The following MBOAT2 variants were observed in gnomAD, a reference collection of about 807,000 sequenced individuals.
The protein encoded by MBOAT2 is membrane-bound glycerophospholipid O-acyltransferase 2.
Under a neutral mutation model 63.4 loss-of-function variants are expected in MBOAT2, and 28 were observed. That is an observed-to-expected ratio of 0.44 (90% CI 0.33 to 0.61). MBOAT2 has a LOEUF of 0.61. Among genes scored for constraint, MBOAT2 ranks in the 20% least tolerant of loss-of-function variants. The pLI is 0.03. For missense variants in MBOAT2, 470 were observed against 605.8 expected (o/e 0.78, Z 2.35); for synonymous variants, 211 against 215.6 (o/e 0.98, Z 0.19).
chr2:8,911,197 G>A (rs1053125629), intron 3 of MBOAT2, among the ~76,000 whole-genome samples: 1 of 152,106 alleles, frequency 6.6e-6, no homozygotes, highest in Non-Finnish European at 1.5e-5. Flanking sequence ...TTAGTCCACT[G>A]GTCCTCAAAT....
intron 3 of MBOAT2, among the ~76,000 whole-genome samples, chr2:8,914,155 T>C (rs1016676852): frequency 2.0e-5 from 3 of 152,108 alleles, no homozygotes; most frequent in Non-Finnish European, 2.9e-5. Flanking sequence ...CAATGGACTC[T>C]GGGGACTTGG....
chr2:8,911,066 A>T (rs1174972073), intron 3 of MBOAT2, among the ~76,000 whole-genome samples: 1 of 152,188 alleles, frequency 6.6e-6, no homozygotes, highest in African/African-American at 2.4e-5. Context: ...ATCACCATGG[A>T]CTAGGGACTG....
chr2:8,994,184 A>C (rs1358312115), intron 1 of MBOAT2, among the ~76,000 whole-genome samples: 1 of 152,190 alleles, frequency 6.6e-6, no homozygotes, highest in Non-Finnish European at 1.5e-5. Flanking sequence ...AAGATGAGTA[A>C]GTGGAGGTCC....
rs377113149 is a variant in MBOAT2, at chr2:8,924,135, A to G, written c.300-15419T>C. ...TACTTGAATAGAAGAATTTTTTTAA[A>G]CCACCTGCTTTATCAGCACAAGACA... On this transcript the variant is annotated intron_variant, in intron 3 of 12. Coordinates refer to ENST00000305997, the MANE Select transcript of MBOAT2 (RefSeq NM_138799.4). Among the ~76,000 whole-genome samples the G allele has an allele frequency of 6.0e-4, 91 of 152,242 alleles. 2 individuals carry two copies. The South Asian group carries it at 0.018, about 30-fold the overall frequency.
intron 1 of MBOAT2, among the ~76,000 whole-genome samples, chr2:8,987,027 GT>G (rs1255755869): frequency 6.6e-6 from 1 of 152,122 alleles, no homozygotes; most frequent in Non-Finnish European, 1.5e-5. Context: ...TTAACCTTAA[GT>G]AAAAACTAAA....
intron 1 of MBOAT2, among the ~76,000 whole-genome samples, chr2:8,969,533 A>T (rs1277834103): frequency 6.6e-6 from 1 of 152,182 alleles, no homozygotes; most frequent in Non-Finnish European, 1.5e-5. Context: ...ATTAACTTTA[A>T]ATGTAAATGG....
intron 3 of MBOAT2, among the ~76,000 whole-genome samples, chr2:8,909,676 A>G (rs1665569961): frequency 1.3e-5 from 2 of 152,216 alleles, no homozygotes; most frequent in Non-Finnish European, 2.9e-5. Flanking sequence ...ATAGTTAATT[A>G]TAATCTTTTG....
chr2:8,935,520 T>A (rs1412785552), intron 3 of MBOAT2, among the ~76,000 whole-genome samples: 2 of 152,042 alleles, frequency 1.3e-5, no homozygotes, highest in African/African-American at 4.8e-5. Flanking sequence ...AGCTTTAACA[T>A]CACATAATCA....
At chr2:8,873,051 G>A (rs1662445865) in intron 8 of MBOAT2, 57 bp downstream of exon 8, 14 of 1,491,116 alleles carry the variant, frequency 9.4e-6, no homozygotes, top group Non-Finnish European at 9.2e-6. Context: ...GCAATCTATC[G>A]ACAAGGTAAG....
At chr2:8,970,309 T>C (rs1158267339) in intron 1 of MBOAT2, among the ~76,000 whole-genome samples, 3 of 152,216 alleles carry the variant, frequency 2.0e-5, no homozygotes, top group Non-Finnish European at 4.4e-5. Context: ...ATAAAGATGT[T>C]CTTTGAAACC....
At chr2:8,936,372 T>G (rs1164174379) in intron 3 of MBOAT2, among the ~76,000 whole-genome samples, 1 of 152,212 alleles carries the variant, frequency 6.6e-6, no homozygotes, top group Non-Finnish European at 1.5e-5. Flanking sequence ...CTGAACCTTA[T>G]GATGGGAGGT....
chr2:8,958,499 T>G lies in MBOAT2; in HGVS notation c.219A>C (p.Gly73=). 6.3e-7 allele frequency: 1 copy of G among 1,589,072 alleles called. No individual in the cohort carries two copies. Among genetic ancestry groups the G allele is most frequent in the Non-Finnish European group, 8.5e-7 (1 of 1,172,816 alleles). ...LGLYLALFCF[G]WYALHFLVQS... is the part of the protein sequence containing the mutation. ...AAAGGATCAAAATAATTACTTACCA[T>G]CCAAAGCAAAAAAGTGCAAGATAAA... Residue 73 remains glycine (G), a splice_region_variant and synonymous_variant, in exon 2 of 13, where the codon GGA becomes GGC. Transcript: ENST00000305997.
At chr2:8,883,971 C>A (rs549495919) in intron 5 of MBOAT2, among the ~76,000 whole-genome samples, 508 of 151,256 alleles carry the variant, frequency 3.4e-3, no homozygotes, top group Non-Finnish European at 5.1e-3. Context: ...GCTTGTAATC[C>A]CAGTACTTTG....
intron 1 of MBOAT2, among the ~76,000 whole-genome samples, chr2:8,963,044 C>T (rs1669724420): frequency 6.6e-6 from 1 of 151,922 alleles, no homozygotes; most frequent in Non-Finnish European, 1.5e-5. Flanking sequence ...GGAGTTTGAG[C>T]CTGGGCAACA....
At chr2:8,935,084 GC>G (rs954164652) in intron 3 of MBOAT2, among the ~76,000 whole-genome samples, 8 of 152,276 alleles carry the variant, frequency 5.3e-5, no homozygotes, top group Admixed American at 1.3e-4. Context: ...GCCTCTTCCA[GC>G]CCCGACTCCA....
chr2:8,907,333 C>T (rs1348552994), intron 4 of MBOAT2, among the ~76,000 whole-genome samples: 2 of 152,312 alleles, frequency 1.3e-5, no homozygotes, highest in East Asian at 3.9e-4. Context: ...TTAATGCCAT[C>T]GTGTGCTAAG....
intron 4 of MBOAT2, among the ~76,000 whole-genome samples, chr2:8,897,295 G>A (rs1002136993): frequency 6.7e-6 from 1 of 149,546 alleles, no homozygotes; most frequent in African/African-American, 2.5e-5. Flanking sequence ...CCTTTCTGCT[G>A]CCTCTGCCAG....
chr2:8,862,232 G>A lies in MBOAT2; in HGVS notation c.1185+358C>T, dbSNP rs1661545063. 1 of 1,202,470 alleles carries A rather than the reference G, an allele frequency of 8.3e-7. No homozygotes were observed. Among genetic ancestry groups the A allele is most frequent in the Middle Eastern group, 2.3e-4 (1 of 4,410 alleles). 74.5% of individuals were successfully genotyped at this position (1,202,470 alleles called of 1,614,324 possible). On this transcript the variant is annotated intron_variant, in intron 11 of 12. Transcript: ENST00000305997. The surrounding 1 kb of genome is among the most constrained non-coding windows in gnomAD (Gnocchi z 4.3). ...GTCTTCATCTGAGAGAGGACTCAAA[G>A]GTTACAGCTTTCAGGAAACATTTCT... is the stretch of plus-strand genomic sequence containing the variant.
chr2:8,953,857 C>G (rs1669013699), intron 2 of MBOAT2, among the ~76,000 whole-genome samples: 1 of 152,134 alleles, frequency 6.6e-6, no homozygotes, highest in Middle Eastern at 3.2e-3. Flanking sequence ...TGTTGATTTT[C>G]AACTTTGTCT....
Sources: gnomAD v4.1 joint callset for allele counts (sites outside exome capture counted in the v4.1 genomes callset) on GRCh38, gnomAD v4.1.1 for gene constraint, Gnocchi (gnomAD v3.1) non-coding constraint, MANE v1.5 for transcripts, NCBI Gene and HGNC (gene_info 2026-07-23, HGNC 2026-07-21) for gene names.